The following TMC3 variants were observed in gnomAD, a reference collection of about 807,000 sequenced individuals.
The protein encoded by TMC3 is transmembrane channel like 3.
Under a neutral mutation model 110.6 loss-of-function variants are expected in TMC3, and 98 were observed. The ratio of observed to expected loss-of-function variants is 0.89; its 90% confidence interval spans 0.75 to 1.05. The LOEUF is 1.05. Among genes scored for constraint, TMC3 ranks in the 50% least tolerant of loss-of-function variants. TMC3 has a pLI of 0.00. For synonymous variants in TMC3, 489 were observed against 513.1 expected (o/e 0.95, Z 0.63); for missense variants, 1,319 against 1,373.2 (o/e 0.96, Z 0.62).
At chr15:81,344,583 G>A (rs1387451754) in intron 13 of TMC3, among the ~76,000 whole-genome samples, 183 bp downstream of exon 13, 1 of 152,212 alleles carries the variant, frequency 6.6e-6, no homozygotes, top group Non-Finnish European at 1.5e-5. Flanking sequence ...CCAGCATGCG[G>A]TCAATATTGG....
Position 81,334,826 on chromosome 15 carries a change from C to T in TMC3, c.2353G>A (p.Glu785Lys). The part of the protein sequence containing the change: ...DSGSSKSGRI[E>K]TVAQSMPQSP... ...TGGGGCATGGACTGTGCGACTGTCT[C>T]TATCCTGCCACTCTTGCTGCTCCCT... The change falls in exon 21 of 22, where the codon GAG becomes AAG. Residue 785 changes from glutamate to lysine, a missense_variant. By Grantham distance (56) the Glu-to-Lys change is moderately conservative. Coordinates refer to ENST00000359440, the MANE Select transcript of TMC3 (RefSeq NM_001080532.3). The T allele has an allele frequency of 6.2e-7, 1 of 1,614,056 alleles. No homozygotes were observed. Among genetic ancestry groups the T allele is most frequent in the South Asian group, 1.1e-5 (1 of 91,086 alleles).
chr15:81,368,581 G>C (rs1455640799), intron 2 of TMC3, among the ~76,000 whole-genome samples: 1 of 152,088 alleles, frequency 6.6e-6, no homozygotes, highest in African/African-American at 2.4e-5. Context: ...ACCAAAATTA[G>C]CTACAACTGA....
intron 19 of TMC3, among the ~76,000 whole-genome samples, chr15:81,337,460 T>G (rs1233374462): frequency 6.6e-6 from 1 of 152,136 alleles, no homozygotes; most frequent in Non-Finnish European, 1.5e-5. Context: ...CAAACAGTGC[T>G]GCTGGGCTCA....
intron 21 of TMC3, among the ~76,000 whole-genome samples, chr15:81,333,588 CAT>C (rs1893523783): frequency 6.6e-6 from 1 of 152,198 alleles, no homozygotes. Flanking sequence ...CTGTGAAGCA[CAT>C]GTTAGGAACA....
intron 10 of TMC3, among the ~76,000 whole-genome samples, chr15:81,350,899 G>T (rs185903469): frequency 7.2e-5 from 11 of 152,162 alleles, no homozygotes; most frequent in Non-Finnish European, 1.0e-4. Context: ...CGGGGGTTGG[G>T]GGGGAGAAGA....
chr15:81,356,383 G>A, intron 8 of TMC3, 64 bp downstream of exon 8: 1 of 1,509,896 alleles, frequency 6.6e-7, no homozygotes, highest in Non-Finnish European at 8.9e-7. Context: ...CCAGCTGAGG[G>A]CCAGCGGCTG....
At chr15:81,359,245 C>T in intron 5 of TMC3, 120 bp downstream of exon 5, 1 of 762,150 alleles carries the variant, frequency 1.3e-6, no homozygotes, top group Admixed American at 3.3e-5. Flanking sequence ...GTTTGCCAAG[C>T]CCTGCTTTAC....
intron 12 of TMC3, 102 bp from the exon 13 acceptor site, chr15:81,345,113 T>C: frequency 4.7e-6 from 7 of 1,477,218 alleles, no homozygotes; most frequent in South Asian, 4.2e-5. Flanking sequence ...AAGGGTGTCA[T>C]TGCATTGCTT....
At position 81,373,393 on chromosome 15, in the gene TMC3, A is replaced by G. The variant is rs772610699; in HGVS notation, c.89+596T>C. On this transcript the variant is annotated intron_variant, in intron 1 of 21. Coordinates refer to ENST00000359440, the MANE Select transcript of TMC3 (RefSeq NM_001080532.3). Reference sequence around the variant, plus strand: ...GCAACATTTACTCCCAGTTACACTTAATATGCTTATCCTAATGCAACATTT... The same window carrying G: ...GCAACATTTACTCCCAGTTACACTTGATATGCTTATCCTAATGCAACATTT... 5.7e-4 allele frequency among the ~76,000 whole-genome samples: 87 copies of G among 152,356 alleles called. 2 individuals carry two copies. Among genetic ancestry groups the G allele is most frequent in the Admixed American group, 3.4e-3 (52 of 15,310 alleles).
intron 2 of TMC3, among the ~76,000 whole-genome samples, chr15:81,371,667 G>T (rs1894437799): frequency 6.6e-6 from 1 of 152,178 alleles, no homozygotes; most frequent in Non-Finnish European, 1.5e-5. Context: ...TTAAATACCA[G>T]ATACAATGCT....
At chr15:81,353,710 A>T (rs1894000137) in intron 9 of TMC3, among the ~76,000 whole-genome samples, 1 of 152,342 alleles carries the variant, frequency 6.6e-6, no homozygotes, top group South Asian at 2.1e-4. Context: ...ACATGCTATG[A>T]TGTTCACACA....
At chr15:81,349,232 C>G (rs1266594222) in intron 11 of TMC3, among the ~76,000 whole-genome samples, 1 of 152,022 alleles carries the variant, frequency 6.6e-6, no homozygotes, top group African/African-American at 2.4e-5. Flanking sequence ...TTCTTCTACC[C>G]TTGTCATCCT....
Position 81,332,294 on chromosome 15 carries a change from G to T in TMC3, c.*125C>A, listed in dbSNP as rs1446579563. On this transcript the variant is annotated 3_prime_UTR_variant, in exon 22 of 22. Transcript: ENST00000359440. The stretch of plus-strand genomic sequence containing the variant: ...AGCCTCAGGGCCTCAGCTAGCAGCC[G>T]CTGACCATGCCCCTCAGGTCTCTAA... 3 of 1,363,520 alleles carry T rather than the reference G, an allele frequency of 2.2e-6. No homozygotes were observed. The highest frequency in any genetic ancestry group is 2.9e-6 in the Non-Finnish European group (3 of 1,029,922). The allele number at this position is 1,363,520 out of a possible 1,614,324, so 84.5% of individuals were successfully genotyped here.
At position 81,344,179 on chromosome 15, in the gene TMC3, C is replaced by T. The variant is rs1449059155; in HGVS notation, c.1519-134G>A. On this transcript the variant is annotated intron_variant, in intron 13 of 21. Coordinates refer to ENST00000359440, the MANE Select transcript of TMC3 (RefSeq NM_001080532.3). ...GGCCCCTCCAATGGCATCTTCATTT[C>T]TCATCTTTGTAAGTTGCAGTGGGCA... 11 of 886,452 alleles carry T rather than the reference C, an allele frequency of 1.2e-5. No individual in the cohort carries two copies. The East Asian group carries it at 2.3e-4, about 19-fold the overall frequency. The allele number at this position is 886,452 out of a possible 1,614,324, so 54.9% of individuals were successfully genotyped here. A position where few individuals can be genotyped will look rare whatever the true frequency, so the allele number is the denominator to read the frequency against.
Position 81,333,141 on chromosome 15 carries a change from GA to G in TMC3, c.2580del (p.Gln861SerfsTer41). 1 of 1,614,090 alleles carries G rather than the reference GA, an allele frequency of 6.2e-7. No individual in the cohort carries two copies. The highest frequency in any genetic ancestry group is 8.5e-7 in the Non-Finnish European group (1 of 1,179,910). ...VHSEPLFRKD[F>X]QQINPPHRGP... Reference sequence around the variant, plus strand: ...CCACGGTGAGGAGGGTTGATTTGCTGAAAGTCTTTTCGGAAAAGAGGTTCTG... The same window carrying G: ...CCACGGTGAGGAGGGTTGATTTGCTGAAGTCTTTTCGGAAAAGAGGTTCTG... On this transcript the variant is annotated frameshift_variant, in exon 22 of 22. Transcript: ENST00000359440. LOFTEE classifies it low-confidence loss of function (END_TRUNC).
intron 4 of TMC3, among the ~76,000 whole-genome samples, chr15:81,360,972 C>G (rs1362820375): frequency 7.5e-6 from 1 of 134,176 alleles, no homozygotes; most frequent in African/African-American, 2.7e-5. Context: ...ACGGTTTTCT[C>G]TTTTTTTTTT....
intron 16 of TMC3, among the ~76,000 whole-genome samples, chr15:81,340,676 T>C (rs1216796340): frequency 6.6e-6 from 1 of 152,194 alleles, no homozygotes; most frequent in Non-Finnish European, 1.5e-5. Context: ...AAATGGGGTG[T>C]TCATTTTAGA....
intron 4 of TMC3, among the ~76,000 whole-genome samples, chr15:81,361,570 AG>A (rs1384971777): frequency 5.9e-5 from 9 of 152,066 alleles, no homozygotes; most frequent in African/African-American, 2.2e-4. Context: ...CTTCCATATA[AG>A]TTTTATGATC....
At chr15:81,350,892 G>C (rs1267628536) in intron 10 of TMC3, among the ~76,000 whole-genome samples, 1 of 152,206 alleles carries the variant, frequency 6.6e-6, no homozygotes, top group Non-Finnish European at 1.5e-5. Context: ...CACACAACGG[G>C]GGTTGGGGGG....
Sources: gnomAD v4.1 joint callset for allele counts (sites outside exome capture counted in the v4.1 genomes callset) on GRCh38, gnomAD v4.1.1 for gene constraint, MANE v1.5 for transcripts, NCBI Gene and HGNC (gene_info 2026-07-23, HGNC 2026-07-21) for gene names.